SH3D19: variants seen among roughly 807,000 people sequenced by gnomAD.
The protein encoded by SH3D19 is SH3 domain containing 19, also known as SH3 domain-containing protein 19.
Under a neutral mutation model 112.1 loss-of-function variants are expected in SH3D19, and 58 were observed. That is an observed-to-expected ratio of 0.52 (90% CI 0.42 to 0.64). The LOEUF is 0.64. SH3D19 is among the 30% of genes least tolerant of loss of function. The pLI is 0.00. For synonymous variants in SH3D19, 391 were observed against 448.5 expected (o/e 0.87, Z 1.62); for missense variants, 1,090 against 1,263.4 (o/e 0.86, Z 2.08).
Position 151,165,636 on chromosome 4 carries a change from G to C in SH3D19, c.1595C>G (p.Pro532Arg), listed in dbSNP as rs370079240. 1 of 1,614,084 alleles carries C rather than the reference G, an allele frequency of 6.2e-7. No individual in the cohort carries two copies. The highest frequency in any genetic ancestry group is 1.1e-5 in the South Asian group (1 of 91,062). Residue 532 changes from proline (P) to arginine (R), a missense_variant, in exon 8 of 20, where the codon CCC becomes CGC. Pro to Arg is a moderately radical substitution (Grantham distance 103, BLOSUM62 -2). Coordinates refer to ENST00000604030, the MANE Select transcript of SH3D19 (RefSeq NM_001378122.1). ...PIKERAVQPA[P>R]TRKPTVIRIP... Reference sequence around the variant, plus strand: ...TCGAATTACAGTGGGCTTCCTGGTGGGTGCTGGTTGAACTGCTCGTTCTTT... The same window carrying C: ...TCGAATTACAGTGGGCTTCCTGGTGCGTGCTGGTTGAACTGCTCGTTCTTT...
intron 1 of SH3D19, among the ~76,000 whole-genome samples, chr4:151,324,551 AC>A (rs1312043113): frequency 1.3e-5 from 2 of 151,416 alleles, no homozygotes; most frequent in African/African-American, 4.9e-5. Flanking sequence ...GTGTGGATCT[AC>A]ACTTATTCAC....
intron 2 of SH3D19, among the ~76,000 whole-genome samples, chr4:151,214,487 G>A (rs1332132873): frequency 1.6e-5 from 2 of 124,310 alleles, no homozygotes; most frequent in African/African-American, 5.5e-5. Context: ...CTCCCGGACG[G>A]GGCGGCTGGC....
chr4:151,260,893 C>T (rs1438396220), intron 1 of SH3D19, among the ~76,000 whole-genome samples: 9 of 152,168 alleles, frequency 5.9e-5, no homozygotes, highest in Admixed American at 6.5e-5. Context: ...GAAAAGTTAC[C>T]TCAACAAGAC....
At chr4:151,246,071 GTATT>G in intron 1 of SH3D19, among the ~76,000 whole-genome samples, 1 of 147,674 alleles carries the variant, frequency 6.8e-6, no homozygotes, top group African/African-American at 2.5e-5. Context: ...GAAATATAAA[GTATT>G]TCCCTGGTGG....
At chr4:151,297,999 G>C (rs1775816956) in intron 1 of SH3D19, among the ~76,000 whole-genome samples, 1 of 152,084 alleles carries the variant, frequency 6.6e-6, no homozygotes, top group Non-Finnish European at 1.5e-5. Context: ...TACACTGTTG[G>C]CTTTGAAGAT....
chr4:151,291,560 G>A, intron 1 of SH3D19: 1 of 703,608 alleles, frequency 1.4e-6, no homozygotes, highest in Non-Finnish European at 2.3e-6. Flanking sequence ...AATGTGAAGA[G>A]TTAAGAAATA....
chr4:151,214,076 AGCAT>A (rs1169815443), intron 2 of SH3D19, among the ~76,000 whole-genome samples: 1 of 148,626 alleles, frequency 6.7e-6, no homozygotes, highest in East Asian at 2.0e-4. Context: ...ACTCTTAACG[AGCAT>A]GCTGCCTTCA....
intron 1 of SH3D19, among the ~76,000 whole-genome samples, chr4:151,300,214 T>A (rs867644849): frequency 1.3e-5 from 2 of 150,694 alleles, no homozygotes; most frequent in African/African-American, 2.5e-5. Context: ...AAAAAAAAAA[T>A]GTCAACCTAG....
In SH3D19 at chr4:151,147,941, G is replaced by C. The variant is rs111861991; in HGVS notation, c.2063C>G (p.Pro688Arg). Reference protein sequence around the residue: ...VLPPRPKPGHPLYSKYMRGDV... With the variant: ...VLPPRPKPGHRLYSKYMRGDV... ...ATTTACCATGTATTTACTGTAGAGA[G>C]GGTGTCCTGGTTTGGGACGAGGGGG... The change falls in exon 11 of 20, where the codon CCT becomes CGT. Residue 688 changes from proline to arginine, a missense_variant. By Grantham distance (103) the Pro-to-Arg change is moderately radical. Transcript: ENST00000604030. The C allele has an allele frequency of 5.0e-6, 8 of 1,612,136 alleles. No individual in the cohort carries two copies. In the African/African-American group the frequency reaches 5.3e-5, roughly 11 times the overall value.
At chr4:151,130,205 G>A (rs1025218786) in intron 17 of SH3D19, among the ~76,000 whole-genome samples, 3 of 152,172 alleles carry the variant, frequency 2.0e-5, no homozygotes. Flanking sequence ...ACCTTGGGAG[G>A]CTGAGGCAGG....
chr4:151,306,348 G>A (rs945477449), intron 1 of SH3D19, among the ~76,000 whole-genome samples: 3 of 152,116 alleles, frequency 2.0e-5, no homozygotes, highest in Non-Finnish European at 2.9e-5. Flanking sequence ...TTCTGTTTAC[G>A]TCATTTTTCT....
At chr4:151,214,416 A>G (rs1254931626) in intron 2 of SH3D19, among the ~76,000 whole-genome samples, 39 of 13,452 alleles carry the variant, frequency 2.9e-3, no homozygotes, top group East Asian at 0.023. Flanking sequence ...GGCCGGGCAG[A>G]GGCGCCCCTC....
chr4:151,128,798 C>G (rs1749975550), intron 17 of SH3D19, among the ~76,000 whole-genome samples: 3 of 151,920 alleles, frequency 2.0e-5, no homozygotes, highest in African/African-American at 7.3e-5. Flanking sequence ...AGCCACCACA[C>G]TCGGCTATTT....
chr4:151,175,628 C>G lies in SH3D19; in HGVS notation c.576G>C (p.Ser192=). 1 of 1,310,514 alleles carries G rather than the reference C, an allele frequency of 7.6e-7. No homozygotes were observed. The highest frequency in any genetic ancestry group is 9.7e-7 in the Non-Finnish European group (1 of 1,035,920). The allele number at this position is 1,310,514 out of a possible 1,614,324, so 81.2% of individuals were successfully genotyped here. The change falls in exon 7 of 20, where the codon TCG becomes TCC. Residue 192 remains serine, a synonymous_variant. Coordinates refer to ENST00000604030, the MANE Select transcript of SH3D19 (RefSeq NM_001378122.1). ...CCACATTTGTTGGAAGATTGCCAGA[C>G]GAGACTGCTGAGAAAGGCTGAAGAG... The part of the protein sequence containing the change: ...LKPLQPFSAV[S]SGNLPTNVAP...
Position 151,133,170 on chromosome 4 carries a change from C to T in SH3D19, c.2553G>A (p.Glu851=). ...GEQKDELSFS[E]GEIIILKEYV... ...ACTCTTTAAGAATAATAATTTCTCC[C>T]TCTGAGAAACTCAACTCATCCTTCT... The change falls in exon 16 of 20, where the codon GAG becomes GAA. Residue 851 remains glutamate, a synonymous_variant. Coordinates refer to ENST00000604030, the MANE Select transcript of SH3D19 (RefSeq NM_001378122.1). 6.2e-7 allele frequency: 1 copy of T among 1,614,028 alleles called. No individual in the cohort carries two copies. Among genetic ancestry groups the T allele is most frequent in the Non-Finnish European group, 8.5e-7 (1 of 1,179,930 alleles).
rs145462337 is a variant in SH3D19, at chr4:151,165,210, C to T, written c.1642+379G>A. Among the ~76,000 whole-genome samples, 158 of 152,120 alleles carry T rather than the reference C, an allele frequency of 1.0e-3. 1 individual carries two copies. The highest frequency in any genetic ancestry group is 3.6e-3 in the African/African-American group (148 of 41,494). ...TACAAAAATTAGCCAGGTGTGGTGG[C>T]GTGTGCCTGTAGTCCCAGCTACTCA... On this transcript the variant is annotated intron_variant, in intron 8 of 19. Transcript: ENST00000604030.
intron 1 of SH3D19, among the ~76,000 whole-genome samples, chr4:151,255,218 T>C (rs1771764742): frequency 6.7e-6 from 1 of 148,324 alleles, no homozygotes; most frequent in African/African-American, 2.5e-5. Flanking sequence ...GAGAGGCTCC[T>C]CACTTCTCAG....
At chr4:151,304,927 A>T (rs1728791306) in intron 1 of SH3D19, among the ~76,000 whole-genome samples, 1 of 152,348 alleles carries the variant, frequency 6.6e-6, no homozygotes, top group East Asian at 1.9e-4. Context: ...GCCCATCTGC[A>T]TAAGCTGGGA....
At chr4:151,216,796 A>C (rs1334277954) in intron 2 of SH3D19, among the ~76,000 whole-genome samples, 2 of 152,066 alleles carry the variant, frequency 1.3e-5, no homozygotes, top group Non-Finnish European at 2.9e-5. Context: ...CTGCTACACC[A>C]TATACATGCT....
Sources: allele counts gnomAD v4.1 joint callset (sites outside exome capture counted in the v4.1 genomes callset), GRCh38; gene constraint gnomAD v4.1.1; transcripts MANE v1.5; gene names NCBI Gene and HGNC (gene_info 2026-07-23, HGNC 2026-07-21).